The following ESRRG variants were observed in gnomAD, a reference collection of about 807,000 sequenced individuals.
The protein encoded by ESRRG is estrogen related receptor gamma.
A neutral mutation model predicts 44.0 loss-of-function variants in ESRRG; 13 were observed. That is an observed-to-expected ratio of 0.30 (90% CI 0.19 to 0.47). ESRRG has a LOEUF of 0.47. Among genes scored for constraint, ESRRG ranks in the 20% least tolerant of loss-of-function variants. The pLI is 1.00. For missense variants in ESRRG, 395 were observed against 580.6 expected, an observed-to-expected ratio of 0.68 and a Z score of 3.29; for synonymous variants, 215 against 214.6, an observed-to-expected ratio of 1.00 and a Z score of -0.02.
At chr1:216,843,253 T>C (rs2148894303) in intron 2 of ESRRG, among the ~76,000 whole-genome samples, 1 of 152,204 alleles carries the variant, frequency 6.6e-6, no homozygotes, top group South Asian at 2.1e-4. Context: ...TGAGGCTATT[T>C]TTGCTACTAC....
intron 2 of ESRRG, among the ~76,000 whole-genome samples, chr1:216,868,006 A>G (rs894622011): frequency 8.6e-5 from 13 of 151,324 alleles, no homozygotes; most frequent in Admixed American, 2.0e-4. Flanking sequence ...ATGGGATACT[A>G]CAGTATGTCA....
intron 5 of ESRRG, among the ~76,000 whole-genome samples, chr1:216,532,180 C>T (rs1182548896): frequency 6.6e-6 from 1 of 151,310 alleles, no homozygotes; most frequent in African/African-American, 2.4e-5. Flanking sequence ...TAGCCATCGG[C>T]AGACTCTTAA....
At chr1:216,604,592 A>G (rs1308805828) in intron 3 of ESRRG, among the ~76,000 whole-genome samples, 1 of 152,202 alleles carries the variant, frequency 6.6e-6, no homozygotes, top group Non-Finnish European at 1.5e-5. Flanking sequence ...AATAAGGGGC[A>G]TATAGGCTTA....
At chr1:216,698,887 A>G (rs2080828059) in intron 1 of ESRRG, among the ~76,000 whole-genome samples, 4 of 152,160 alleles carry the variant, frequency 2.6e-5, no homozygotes, top group Admixed American at 2.6e-4. Flanking sequence ...CTTTCATCCT[A>G]GCCTACGCCC....
chr1:216,735,987 A>T lies in ESRRG; in HGVS notation c.-13-58496T>A, dbSNP rs201851393. On this transcript the variant is annotated intron_variant, in intron 2 of 7. Transcript: ENST00000359162. ...AGCAATACTCCCCATCTCAAAAAAA[A>T]ATATATATATATATATATATACACA... Among the ~76,000 whole-genome samples the T allele has an allele frequency of 4.1e-3, 564 of 137,116 alleles. 5 individuals are homozygous for T. Among genetic ancestry groups the T allele is most frequent in the African/African-American group, 0.014 (526 of 37,368 alleles). The allele number at this position is 137,116 out of a possible 152,430, so 90.0% of individuals were successfully genotyped here.
At chr1:216,639,812 C>G (rs1044917980) in intron 3 of ESRRG, among the ~76,000 whole-genome samples, 13 of 151,958 alleles carry the variant, frequency 8.6e-5, no homozygotes, top group African/African-American at 3.1e-4. Flanking sequence ...GCTAAGATAC[C>G]CTCCCTTTGG....
chr1:216,845,192 G>T (rs1244972097), intron 2 of ESRRG, among the ~76,000 whole-genome samples: 9 of 152,170 alleles, frequency 5.9e-5, no homozygotes, highest in Middle Eastern at 3.4e-3. Flanking sequence ...AGTTAATGAG[G>T]GTTGGAAAAT....
At chr1:217,097,545 A>G (rs1051639022) in intron 1 of ESRRG, among the ~76,000 whole-genome samples, 2 of 152,224 alleles carry the variant, frequency 1.3e-5, no homozygotes, top group Non-Finnish European at 2.9e-5. Flanking sequence ...AGGGCTGCAC[A>G]ACCGAATGTC....
chr1:216,551,538 T>C (rs1234515842), intron 5 of ESRRG, among the ~76,000 whole-genome samples: 1 of 152,158 alleles, frequency 6.6e-6, no homozygotes, highest in African/African-American at 2.4e-5. Context: ...CTATAAAAAA[T>C]TGCCTTGGAA....
intron 2 of ESRRG, among the ~76,000 whole-genome samples, chr1:216,821,869 G>T (rs2095305557): frequency 6.6e-6 from 1 of 151,754 alleles, no homozygotes; most frequent in African/African-American, 2.4e-5. Flanking sequence ...GTATTATAGT[G>T]CAGTGTCACA....
At chr1:217,058,345 A>T (rs1364668128) in intron 1 of ESRRG, among the ~76,000 whole-genome samples, 3 of 152,172 alleles carry the variant, frequency 2.0e-5, no homozygotes, top group Non-Finnish European at 4.4e-5. Flanking sequence ...ACTCAAACAA[A>T]TTGTTATGAA....
intron 2 of ESRRG, among the ~76,000 whole-genome samples, chr1:216,656,004 C>G (rs1324675891): frequency 1.3e-5 from 2 of 152,122 alleles, no homozygotes; most frequent in African/African-American, 4.8e-5. Context: ...GGTAATGGTT[C>G]AAAGACATGA....
chr1:216,578,997 T>C (rs2062207003), intron 3 of ESRRG, among the ~76,000 whole-genome samples: 1 of 152,156 alleles, frequency 6.6e-6, no homozygotes, highest in African/African-American at 2.4e-5. Flanking sequence ...TCTATGTGTA[T>C]ATATAAATGA....
chr1:216,855,778 G>T (rs541844950), intron 2 of ESRRG, among the ~76,000 whole-genome samples: 1 of 152,182 alleles, frequency 6.6e-6, no homozygotes, highest in Admixed American at 6.5e-5. Flanking sequence ...TGCGGCTGCC[G>T]CATCTGCACG....
At chr1:216,724,144 C>A (rs1348706290), upstream of ESRRG, among the ~76,000 whole-genome samples, 1 of 152,132 alleles carries the variant, frequency 6.6e-6, no homozygotes, top group Non-Finnish European at 1.5e-5. Flanking sequence ...AGTGACAATA[C>A]AATTTGAAAG....
intron 2 of ESRRG, among the ~76,000 whole-genome samples, chr1:216,673,912 C>G (rs1019601478): frequency 2.0e-5 from 3 of 152,328 alleles, no homozygotes; most frequent in South Asian, 4.1e-4. Context: ...ACACTCCAAC[C>G]AGCCTGCTGT....
chr1:216,958,265 A>G (rs76280400), intron 1 of ESRRG, among the ~76,000 whole-genome samples: 1,873 of 152,252 alleles, frequency 0.012, 38 homozygotes, highest in African/African-American at 0.042. Context: ...TTGTGGACTT[A>G]TCCTTTTGTT....
chr1:216,987,516 G>A (rs536317338), intron 1 of ESRRG, among the ~76,000 whole-genome samples: 7 of 152,218 alleles, frequency 4.6e-5, no homozygotes, highest in Admixed American at 3.9e-4. Flanking sequence ...TCTTTGAGGT[G>A]AAATCAAATT....
At chr1:217,059,689 C>T (rs908970897) in intron 1 of ESRRG, among the ~76,000 whole-genome samples, 1 of 152,022 alleles carries the variant, frequency 6.6e-6, no homozygotes, top group African/African-American at 2.4e-5. Flanking sequence ...AGGGATCAAA[C>T]CTGAGTCCAG....
Sources: allele counts gnomAD v4.1 joint callset (sites outside exome capture counted in the v4.1 genomes callset), GRCh38; gene constraint gnomAD v4.1.1; transcripts MANE v1.5; gene names NCBI Gene and HGNC (gene_info 2026-07-23, HGNC 2026-07-21).